Variants in PDE7B observed in about 807,000 individuals in gnomAD.
PDE7B encodes the protein phosphodiesterase 7B.
A neutral mutation model predicts 56.2 loss-of-function variants in PDE7B; 29 were observed. The observed-to-expected ratio is 0.52, with a 90% CI of 0.38 to 0.70. The LOEUF (loss-of-function observed/expected upper bound fraction) is 0.70, where lower values mean the gene tolerates loss of function less well. PDE7B is among the 30% of genes least tolerant of loss of function. The probability of loss-of-function intolerance (pLI) is 0.00; values close to 1 mark genes in which losing one functional copy is unlikely to be tolerated. For synonymous variants in PDE7B, 197 were observed against 196.9 expected (o/e 1.00, Z 0.00); for missense variants, 490 against 565.0 (o/e 0.87, Z 1.35).
chr6:135,875,889 C>T (rs1331059221), intron 1 of PDE7B, among the ~76,000 whole-genome samples: 2 of 151,932 alleles, frequency 1.3e-5, no homozygotes, highest in Non-Finnish European at 2.9e-5. Flanking sequence ...ATTGGTGTGA[C>T]TTTGTGGTCA....
chr6:135,959,266 T>C (rs145517738), intron 2 of PDE7B, among the ~76,000 whole-genome samples: 23 of 152,306 alleles, frequency 1.5e-4, no homozygotes, highest in African/African-American at 5.1e-4. Context: ...ATCCTCATTT[T>C]TTCAATGATA....
intron 2 of PDE7B, among the ~76,000 whole-genome samples, chr6:136,074,763 CT>C (rs1328291305): frequency 8.5e-5 from 13 of 152,234 alleles, no homozygotes; most frequent in Middle Eastern, 3.4e-3. Flanking sequence ...GGATCTCATT[CT>C]TTTTTATGGC....
rs1017503337 is a variant in PDE7B, at chr6:136,038,381, C to T, written c.83-70350C>T. ...TGTGCTGCCCTCCTCCCCGGGAAGC[C>T]GGCCGGGGTGCCAGCAGGGGCCGCT... is the stretch of plus-strand genomic sequence containing the variant. On this transcript the variant is annotated intron_variant, in intron 2 of 12. Coordinates refer to ENST00000308191, the MANE Select transcript of PDE7B (RefSeq NM_018945.4). 3.8e-5 allele frequency: 49 copies of T among 1,291,590 alleles called. No homozygotes were observed. In the East Asian group the frequency reaches 1.0e-3, roughly 28 times the overall value. The allele number at this position is 1,291,590 out of a possible 1,614,324, so 80.0% of individuals were successfully genotyped here. A position where few individuals can be genotyped will look rare whatever the true frequency, so the allele number is the denominator to read the frequency against.
At chr6:136,039,506 C>T (rs1776381083) in intron 2 of PDE7B, among the ~76,000 whole-genome samples, 1 of 152,062 alleles carries the variant, frequency 6.6e-6, no homozygotes, top group Admixed American at 6.5e-5. Context: ...CTCGTGGAAA[C>T]AGAGTAGGAA....
At chr6:135,972,546 A>T (rs1014434484) in intron 2 of PDE7B, among the ~76,000 whole-genome samples, 2 of 152,182 alleles carry the variant, frequency 1.3e-5, no homozygotes, top group Non-Finnish European at 2.9e-5. Flanking sequence ...TTATTTGCTA[A>T]TCTACCTCCC....
At chr6:135,867,224 G>A (rs887921922) in intron 1 of PDE7B, among the ~76,000 whole-genome samples, 10 of 151,982 alleles carry the variant, frequency 6.6e-5, no homozygotes, top group Non-Finnish European at 1.3e-4. Flanking sequence ...TTTTTCAATA[G>A]GACAGATTTT....
At chr6:135,906,812 T>TTTTTTTTTTTTTTTTTTTTTG (rs1776115660) in intron 1 of PDE7B, among the ~76,000 whole-genome samples, 12 of 127,822 alleles carry the variant, frequency 9.4e-5, no homozygotes, top group African/African-American at 3.5e-4. Flanking sequence ...TGAGGTTTGT[T>TTTTTTTTTTTTTTTTTTTTTG]TTTTTTTTTT....
At chr6:135,904,133 G>A (rs577756043) in intron 1 of PDE7B, among the ~76,000 whole-genome samples, 1 of 152,300 alleles carries the variant, frequency 6.6e-6, no homozygotes, top group Admixed American at 6.5e-5. Context: ...GCAAGAAATT[G>A]TATGTTTAAA....
intron 5 of PDE7B, among the ~76,000 whole-genome samples, chr6:136,150,884 C>G (rs1160008191): frequency 9.4e-6 from 1 of 106,136 alleles, no homozygotes; most frequent in Non-Finnish European, 2.1e-5. Context: ...TGTATGTATC[C>G]CTGACACCTC....
intron 8 of PDE7B, among the ~76,000 whole-genome samples, chr6:136,167,771 TCTTA>T (rs1032861316): frequency 9.2e-5 from 14 of 152,214 alleles, no homozygotes; most frequent in African/African-American, 2.9e-4. Flanking sequence ...TAATTTGTTC[TCTTA>T]CTTAGCAAAT....
intron 2 of PDE7B, among the ~76,000 whole-genome samples, chr6:136,009,298 G>A (rs1430013300): frequency 6.6e-6 from 1 of 152,016 alleles, no homozygotes; most frequent in Non-Finnish European, 1.5e-5. Flanking sequence ...TTTTGGCTTA[G>A]GATTGACTTG....
chr6:135,932,393 G>A (rs80151878), intron 1 of PDE7B, among the ~76,000 whole-genome samples: 5 of 151,710 alleles, frequency 3.3e-5, no homozygotes, highest in African/African-American at 9.7e-5. Flanking sequence ...ATGGCATGCC[G>A]GTATCCAAAC....
At chr6:136,045,116 T>G (rs1562478420) in intron 2 of PDE7B, among the ~76,000 whole-genome samples, 1 of 152,182 alleles carries the variant, frequency 6.6e-6, no homozygotes, top group African/African-American at 2.4e-5. Context: ...ATCTGATTTT[T>G]TCCACTCTTT....
intron 3 of PDE7B, among the ~76,000 whole-genome samples, chr6:136,134,828 C>T (rs1473365473): frequency 1.3e-5 from 2 of 151,192 alleles, no homozygotes; most frequent in Non-Finnish European, 2.9e-5. Flanking sequence ...ATTTGCTCCT[C>T]TTGAACACCT....
chr6:136,055,019 G>C (rs1776705780), intron 2 of PDE7B, among the ~76,000 whole-genome samples: 1 of 152,188 alleles, frequency 6.6e-6, no homozygotes, highest in Non-Finnish European at 1.5e-5. Flanking sequence ...CAAGGTGAGA[G>C]CCAAACCATA....
At chr6:136,110,548 A>G (rs1297110760) in intron 3 of PDE7B, among the ~76,000 whole-genome samples, 3 of 152,212 alleles carry the variant, frequency 2.0e-5, no homozygotes, top group Non-Finnish European at 4.4e-5. Context: ...ATGAACCACA[A>G]AGGAATTAGG....
At chr6:135,869,209 G>T (rs953722634) in intron 1 of PDE7B, among the ~76,000 whole-genome samples, 1 of 152,064 alleles carries the variant, frequency 6.6e-6, no homozygotes, top group African/African-American at 2.4e-5. Flanking sequence ...GCTTTCGATG[G>T]TGTGAAAGTA....
chr6:135,896,041 T>C (rs1163569317), intron 1 of PDE7B, among the ~76,000 whole-genome samples: 3 of 152,180 alleles, frequency 2.0e-5, no homozygotes, highest in Non-Finnish European at 2.9e-5. Context: ...GCATTTGGTA[T>C]ATTTTGTGTG....
chr6:136,160,951 A>G (rs535425074), intron 8 of PDE7B, among the ~76,000 whole-genome samples: 2 of 152,346 alleles, frequency 1.3e-5, no homozygotes, highest in South Asian at 4.1e-4. Flanking sequence ...TAAGTAAAAT[A>G]TGTCCTCTAT....
Sources: gnomAD v4.1 joint callset for allele counts (sites outside exome capture counted in the v4.1 genomes callset) on GRCh38, gnomAD v4.1.1 for gene constraint, MANE v1.5 for transcripts, NCBI Gene and HGNC (gene_info 2026-07-23, HGNC 2026-07-21) for gene names.